The following RIC3 variants were observed in gnomAD, a reference collection of about 807,000 sequenced individuals.
The protein encoded by RIC3 is RIC3 acetylcholine receptor chaperone, also known as protein RIC-3.
RIC3 carries 28 observed loss-of-function variants against 27.3 expected under a neutral mutation model. That is an observed-to-expected ratio of 1.02 (90% CI 0.76 to 1.41). RIC3 has a LOEUF of 1.41. Among genes scored for constraint, RIC3 ranks in the 40% most tolerant of loss-of-function variants. The pLI is 0.00. For missense variants in RIC3, 501 were observed against 444.7 expected, an observed-to-expected ratio of 1.13 and a Z score of -1.14; for synonymous variants, 184 against 160.4, an observed-to-expected ratio of 1.15 and a Z score of -1.11.
chr11:8,095,479 G>A, the RIC3 span: 7 of 1,598,060 alleles, frequency 4.4e-6, no homozygotes, highest in Non-Finnish European at 6.0e-6. Flanking sequence ...TGTAACTCAG[G>A]CGTGTCCGTG....
intron 4 of RIC3, among the ~76,000 whole-genome samples, chr11:8,131,735 T>A (rs1026410285): frequency 6.6e-6 from 1 of 151,864 alleles, no homozygotes; most frequent in South Asian, 2.1e-4. Flanking sequence ...ACCTTGTCTC[T>A]ACTAAAAATA....
At chr11:8,132,422 G>A (rs1487025306) in intron 4 of RIC3, among the ~76,000 whole-genome samples, 1 of 152,072 alleles carries the variant, frequency 6.6e-6, no homozygotes, top group Non-Finnish European at 1.5e-5. Context: ...GGGAAGAGAG[G>A]ACCAAAATCG....
chr11:8,134,103 G>A (rs1036362343), intron 4 of RIC3, among the ~76,000 whole-genome samples: 13 of 151,722 alleles, frequency 8.6e-5, no homozygotes, highest in African/African-American at 1.9e-4. Flanking sequence ...CCATCAACTC[G>A]TCATTTACAT....
At chr11:8,101,830 G>C, downstream of RIC3, 8 of 708,432 alleles carry the variant, frequency 1.1e-5, no homozygotes, top group Non-Finnish European at 1.3e-5. Flanking sequence ...GGGTGGGTGT[G>C]AAGGGATGAG....
At chr11:8,149,316 CTG>C (rs1950016367) in intron 1 of RIC3, among the ~76,000 whole-genome samples, 1 of 152,070 alleles carries the variant, frequency 6.6e-6, no homozygotes, top group Non-Finnish European at 1.5e-5. Flanking sequence ...GGAAAGAAGA[CTG>C]TGTATATGAG....
At chr11:8,127,007 A>G (rs1947068503) in intron 4 of RIC3, 200 bp from the exon 5 acceptor site, 1 of 647,662 alleles carries the variant, frequency 1.5e-6, no homozygotes, top group Non-Finnish European at 2.6e-6. Context: ...TGGGAAAATT[A>G]AAGCCCAGAA....
intron 1 of RIC3, among the ~76,000 whole-genome samples, chr11:8,162,161 G>A (rs1951230896): frequency 6.6e-6 from 1 of 152,212 alleles, no homozygotes; most frequent in African/African-American, 2.4e-5. Flanking sequence ...AGAGTGAAAA[G>A]GACACAGAAA....
intron 1 of RIC3, among the ~76,000 whole-genome samples, chr11:8,164,625 A>C (rs1951502164): frequency 6.6e-6 from 1 of 151,932 alleles, no homozygotes; most frequent in African/African-American, 2.4e-5. Flanking sequence ...AAAAAATTTA[A>C]AAATTAGCCA....
Position 8,107,042 on chromosome 11 carries a change from T to G in RIC3, c.*3656A>C, listed in dbSNP as rs897111219. The G allele has an allele frequency of 6.6e-6, 1 of 152,218 alleles. No individual in the cohort carries two copies. The highest frequency in any genetic ancestry group is 1.5e-5 in the Non-Finnish European group (1 of 68,034). 9.4% of individuals were successfully genotyped at this position (152,218 alleles called of 1,614,324 possible). ...CATTATTCCCAATTCATGGGGAAAC[T>G]GGTTCTCTGAGAGGTTAAGGAATGA... is the stretch of plus-strand genomic sequence containing the variant. On this transcript the variant is annotated 3_prime_UTR_variant, in exon 6 of 6. Transcript: ENST00000309737.
intron 1 of RIC3, among the ~76,000 whole-genome samples, 182 bp from the exon 2 acceptor site, chr11:8,140,375 C>A (rs1948916068): frequency 6.6e-6 from 1 of 152,160 alleles, no homozygotes; most frequent in East Asian, 1.9e-4. Flanking sequence ...TCATCTCTAG[C>A]TGTTCACCAA....
intron 4 of RIC3, chr11:8,128,343 G>T (rs763236246): frequency 3.5e-5 from 16 of 451,528 alleles, no homozygotes; most frequent in Non-Finnish European, 6.7e-5. Flanking sequence ...TGGGAAATCA[G>T]AAGCCCTTAT....
intron 3 of RIC3, among the ~76,000 whole-genome samples, chr11:8,137,742 T>C (rs1213000782): frequency 1.4e-5 from 2 of 146,566 alleles, no homozygotes; most frequent in Non-Finnish European, 3.0e-5. Flanking sequence ...TGCAATGCTT[T>C]TGCCAAGTCT....
the RIC3 span, chr11:8,095,743 G>C: frequency 6.9e-7 from 1 of 1,456,562 alleles, no homozygotes; most frequent in Admixed American, 2.1e-5. Context: ...TGGGAGCATG[G>C]CCTTCCTGTG....
chr11:8,126,940 C>T, intron 4 of RIC3, 133 bp from the exon 5 acceptor site: 1 of 999,276 alleles, frequency 1.0e-6, no homozygotes. Flanking sequence ...AGGAATTGAT[C>T]CTCCAACTGC....
chr11:8,155,393 C>T (rs1276889159), intron 1 of RIC3, among the ~76,000 whole-genome samples: 8 of 151,918 alleles, frequency 5.3e-5, no homozygotes, highest in African/African-American at 7.2e-5. Context: ...TTGGCCAACA[C>T]GGTGAAACTC....
At chr11:8,105,078 TGAGGG>T (rs1258239351), downstream of RIC3, 9 of 152,240 alleles carry the variant, frequency 5.9e-5, no homozygotes, top group Non-Finnish European at 1.3e-4. Context: ...GAGTCTGCAG[TGAGGG>T]GAGATGCTGG....
rs1241194864 is a variant in RIC3 at position 8,140,191 on chromosome 11, T to G, written c.127A>C (p.Lys43Gln). 6.2e-7 allele frequency: 1 copy of G among 1,610,012 alleles called. No individual in the cohort carries two copies. Among genetic ancestry groups the G allele is most frequent in the African/African-American group, 1.3e-5 (1 of 74,816 alleles). The change falls in exon 2 of 6, where the codon AAA (lysine) becomes CAA (glutamine). Residue 43 changes from lysine to glutamine, a missense_variant and splice_region_variant. Transcript: ENST00000309737. ...RQEPPPTPEG[K>Q]LGRFPPMMHH... ...ATCATAGGTGGAAATCGGCCCAATTTTCCTGAGAAAATAATAATCACTTTT... is the reference window on the plus strand; with the variant it reads ...ATCATAGGTGGAAATCGGCCCAATTGTCCTGAGAAAATAATAATCACTTTT...
chr11:8,104,515 G>C (rs1379076520), downstream of RIC3: 4 of 152,222 alleles, frequency 2.6e-5, no homozygotes, highest in African/African-American at 9.7e-5. Flanking sequence ...TTATATTCCT[G>C]AGAATGAATG....
At chr11:8,131,874 C>A (rs1171442095) in intron 4 of RIC3, among the ~76,000 whole-genome samples, 10 of 126,946 alleles carry the variant, frequency 7.9e-5, no homozygotes, top group African/African-American at 3.1e-4. Flanking sequence ...GCACTGCAGC[C>A]TGGGTGACAG....
Sources: allele counts gnomAD v4.1 joint callset (sites outside exome capture counted in the v4.1 genomes callset), GRCh38; gene constraint gnomAD v4.1.1; transcripts MANE v1.5; gene names NCBI Gene and HGNC (gene_info 2026-07-23, HGNC 2026-07-21).